PTPRM: variants seen among roughly 807,000 people sequenced by gnomAD.
The protein encoded by PTPRM is receptor-type tyrosine-protein phosphatase mu.
Under a neutral mutation model 186.7 loss-of-function variants are expected in PTPRM, and 47 were observed. The observed-to-expected ratio is 0.25, with a 90% CI of 0.20 to 0.32. The LOEUF is 0.32. Among genes scored for constraint, PTPRM ranks in the 10% least tolerant of loss-of-function variants. The probability of loss-of-function intolerance (pLI) is 1.00; values close to 1 mark genes in which losing one functional copy is unlikely to be tolerated. For synonymous variants in PTPRM, 668 were observed against 674.9 expected, an observed-to-expected ratio of 0.99 and a Z score of 0.16; for missense variants, 1,494 against 1,865.0, an observed-to-expected ratio of 0.80 and a Z score of 3.66.
At chr18:8,281,844 A>T (rs550883830) in intron 19 of PTPRM, among the ~76,000 whole-genome samples, 35 of 152,290 alleles carry the variant, frequency 2.3e-4, no homozygotes, top group African/African-American at 7.0e-4. Flanking sequence ...GGTATTTGCA[A>T]TATTTCATAT....
At chr18:8,133,930 G>A (rs1033878464) in intron 13 of PTPRM, among the ~76,000 whole-genome samples, 4 of 152,130 alleles carry the variant, frequency 2.6e-5, no homozygotes, top group Admixed American at 6.6e-5. Flanking sequence ...TAAAAATCCA[G>A]AAGAGAAATA....
At chr18:8,136,335 G>T (rs2092638154) in intron 13 of PTPRM, among the ~76,000 whole-genome samples, 2 of 152,178 alleles carry the variant, frequency 1.3e-5, no homozygotes, top group African/African-American at 4.8e-5. Flanking sequence ...CATCAAAATA[G>T]TAAGAGCAGT....
At chr18:8,099,122 G>C (rs1306924869) in intron 11 of PTPRM, among the ~76,000 whole-genome samples, 1 of 151,482 alleles carries the variant, frequency 6.6e-6, no homozygotes, top group African/African-American at 2.4e-5. Flanking sequence ...CACACACACA[G>C]TCTCTCCACA....
chr18:7,895,738 C>T (rs2049321012), intron 3 of PTPRM, among the ~76,000 whole-genome samples: 1 of 152,204 alleles, frequency 6.6e-6, no homozygotes, highest in Non-Finnish European at 1.5e-5. Context: ...CTGAACTCTG[C>T]AATTGTTGGA....
chr18:7,826,516 C>T (rs888196137), intron 2 of PTPRM, among the ~76,000 whole-genome samples: 42 of 152,166 alleles, frequency 2.8e-4, no homozygotes, highest in African/African-American at 9.6e-4. Flanking sequence ...TGGTTTATTT[C>T]ATTTATCGTG....
intron 7 of PTPRM, among the ~76,000 whole-genome samples, chr18:8,012,701 T>G (rs951747643): frequency 1.4e-4 from 22 of 152,168 alleles, no homozygotes; most frequent in African/African-American, 5.3e-4. Context: ...AGGTGTACCA[T>G]CTCATTTGAG....
chr18:8,117,281 G>A (rs1372005710), intron 13 of PTPRM, among the ~76,000 whole-genome samples: 2 of 152,180 alleles, frequency 1.3e-5, no homozygotes, highest in African/African-American at 2.4e-5. Context: ...TCCTGAGTGT[G>A]TGTTGCCACA....
chr18:7,817,132 G>C (rs1354672816), intron 2 of PTPRM, among the ~76,000 whole-genome samples: 4 of 151,962 alleles, frequency 2.6e-5, no homozygotes, highest in African/African-American at 9.7e-5. Context: ...GTGCCACTAT[G>C]CCTGGCTAAT....
At position 8,406,138 on chromosome 18, in the gene PTPRM, C is replaced by T; in HGVS notation, c.4374C>T (p.Ala1458=). 3 of 1,614,114 alleles carry T rather than the reference C, an allele frequency of 1.9e-6. No individual in the cohort carries two copies. The highest frequency in any genetic ancestry group is 2.5e-6 in the Non-Finnish European group (3 of 1,180,010). The stretch of plus-strand genomic sequence containing the variant: ...AGTACAAGTTCTGCTACGAGGTGGC[C>T]CTGGAATACTTGAATTCTGGCTGAT... The part of the protein sequence containing the change: ...LDQYKFCYEV[A]LEYLNSG The change falls in exon 33 of 33, where the codon GCC becomes GCT. Residue 1458 remains alanine (A), a synonymous_variant. Transcript: ENST00000580170.
chr18:8,180,761 G>T (rs1173131503), intron 14 of PTPRM, among the ~76,000 whole-genome samples: 3 of 152,158 alleles, frequency 2.0e-5, no homozygotes, highest in African/African-American at 7.2e-5. Flanking sequence ...ACATGCTTGA[G>T]CCCACTTGCC....
At chr18:7,680,532 G>A (rs1369083302) in intron 1 of PTPRM, among the ~76,000 whole-genome samples, 1 of 152,136 alleles carries the variant, frequency 6.6e-6, no homozygotes, top group East Asian at 1.9e-4. Flanking sequence ...GTTTGTAAGG[G>A]ATGACATTTC....
At chr18:7,725,691 G>C (rs2040534526) in intron 1 of PTPRM, among the ~76,000 whole-genome samples, 1 of 152,106 alleles carries the variant, frequency 6.6e-6, no homozygotes, top group East Asian at 1.9e-4. Flanking sequence ...CTTTGGAGAG[G>C]ATTCTGGCCA....
intron 8 of PTPRM, among the ~76,000 whole-genome samples, chr18:8,075,266 C>CTA (rs10583079): frequency 1.3e-5 from 2 of 151,234 alleles, no homozygotes; most frequent in East Asian, 1.9e-4. Context: ...ATCTATCTAT[C>CTA]TATATATATA....
chr18:8,171,582 C>T lies in PTPRM; in HGVS notation c.2300+27803C>T, dbSNP rs139192453. On this transcript the variant is annotated intron_variant, in intron 14 of 32. Transcript: ENST00000580170. ...AGTTTGGGGGTAAATGTGTTTGTTT[C>T]TATGTCCATGTCCTGTGTTCATTTA... is the stretch of plus-strand genomic sequence containing the variant. 2.0e-3 allele frequency among the ~76,000 whole-genome samples: 304 copies of T among 152,250 alleles called. 2 individuals carry two copies. Among genetic ancestry groups the T allele is most frequent in the Middle Eastern group, 0.01 (3 of 294 alleles).
chr18:8,263,831 C>T (rs1252457193), intron 19 of PTPRM, among the ~76,000 whole-genome samples: 2 of 152,216 alleles, frequency 1.3e-5, no homozygotes, highest in East Asian at 3.9e-4. Context: ...GTCCTGGCCC[C>T]ATACCCAGTC....
chr18:8,319,486 T>G (rs1473411171), intron 22 of PTPRM, among the ~76,000 whole-genome samples: 1 of 152,234 alleles, frequency 6.6e-6, no homozygotes, highest in African/African-American at 2.4e-5. Flanking sequence ...TTTGCAAAAG[T>G]AGATGTATAG....
intron 7 of PTPRM, among the ~76,000 whole-genome samples, chr18:8,054,645 CTTG>C (rs2087785108): frequency 6.6e-6 from 1 of 151,922 alleles, no homozygotes; most frequent in African/African-American, 2.4e-5. Flanking sequence ...TGTGTATGCT[CTTG>C]TTGTCGGCAG....
At chr18:8,204,984 C>G (rs10513899) in intron 14 of PTPRM, among the ~76,000 whole-genome samples, 1 of 152,012 alleles carries the variant, frequency 6.6e-6, no homozygotes, top group Non-Finnish European at 1.5e-5. Flanking sequence ...GTTAAGTTTC[C>G]GCTAAGTGCT....
In PTPRM at chr18:8,300,695, C is replaced by T. The variant is rs541426018; in HGVS notation, c.2842+4240C>T. ...CATTTACCCATGACCTCTGGGGCTA[C>T]GTTTTCTAGCCCCCACCGCCCTCCA... On this transcript the variant is annotated intron_variant, in intron 20 of 32. Coordinates refer to ENST00000580170, the MANE Select transcript of PTPRM (RefSeq NM_001105244.2). 4.6e-5 allele frequency among the ~76,000 whole-genome samples: 7 copies of T among 152,164 alleles called. No homozygotes were observed. The South Asian group carries it at 1.2e-3, about 27-fold the overall frequency.
Sources: gnomAD v4.1 joint callset for allele counts (sites outside exome capture counted in the v4.1 genomes callset) on GRCh38, gnomAD v4.1.1 for gene constraint, MANE v1.5 for transcripts, NCBI Gene and HGNC (gene_info 2026-07-23, HGNC 2026-07-21) for gene names.